The following CHLSN variants were observed in gnomAD, a reference collection of about 807,000 sequenced individuals.
CHLSN encodes cholesin.
chr7:1,015,336 C>T, the CHLSN span, among the ~76,000 whole-genome samples: 5 of 152,152 alleles, frequency 3.3e-5, no homozygotes, highest in African/African-American at 1.2e-4. Flanking sequence ...CCCCCAGGCA[C>T]CAGCAGGTCT....
the CHLSN span, chr7:1,045,291 T>C: frequency 5.9e-5 from 9 of 152,284 alleles, no homozygotes; most frequent in African/African-American, 2.2e-4. Flanking sequence ...TCTGCATGCA[T>C]GCTACGTGGT....
the CHLSN span, among the ~76,000 whole-genome samples, chr7:1,075,083 C>T: frequency 3.3e-5 from 5 of 152,166 alleles, no homozygotes; most frequent in Non-Finnish European, 5.9e-5. Context: ...CTGCAGCATC[C>T]CAGGAGCAGC....
chr7:995,557 C>T, the CHLSN span, among the ~76,000 whole-genome samples: 1 of 152,236 alleles, frequency 6.6e-6, no homozygotes, highest in Non-Finnish European at 1.5e-5. Flanking sequence ...TTGCACTTTG[C>T]GGGTCTCCCT....
chr7:1,094,549 A>G, the CHLSN span, among the ~76,000 whole-genome samples: 1 of 152,202 alleles, frequency 6.6e-6, no homozygotes, highest in African/African-American at 2.4e-5. Flanking sequence ...CACAATGAAG[A>G]CTGAACGCAG....
the CHLSN span, among the ~76,000 whole-genome samples, chr7:1,032,260 A>G: frequency 1.3e-5 from 2 of 152,166 alleles, no homozygotes; most frequent in African/African-American, 4.8e-5. Context: ...CTGAAATGGA[A>G]CCTGGGGCTG....
At chr7:1,069,101 G>A in the CHLSN span, among the ~76,000 whole-genome samples, 2 of 152,348 alleles carry the variant, frequency 1.3e-5, no homozygotes, top group South Asian at 2.1e-4. Context: ...GGGAGGCCGA[G>A]GCGGGCGGAT....
the CHLSN span, among the ~76,000 whole-genome samples, chr7:1,003,664 G>T: frequency 1.2e-5 from 1 of 85,888 alleles, no homozygotes. Context: ...AGTCCTGTGG[G>T]TGAGTAGAGT....
chr7:1,064,533 G>A, the CHLSN span, among the ~76,000 whole-genome samples: 2 of 152,166 alleles, frequency 1.3e-5, no homozygotes, highest in Admixed American at 6.5e-5. Context: ...GCAACACCCT[G>A]ACTCCTGAGA....
the CHLSN span, chr7:1,093,447 T>C: frequency 1.7e-5 from 8 of 464,614 alleles, no homozygotes; most frequent in African/African-American, 1.6e-4. Context: ...TCTTCCAGGA[T>C]GGCAGCAATG....
At chr7:999,338 T>G in the CHLSN span, among the ~76,000 whole-genome samples, 1 of 152,056 alleles carries the variant, frequency 6.6e-6, no homozygotes, top group Admixed American at 6.6e-5. Context: ...GGCGTGAGGG[T>G]TTCCAGGCTT....
At chr7:1,094,063 G>A in the CHLSN span, among the ~76,000 whole-genome samples, 4 of 152,250 alleles carry the variant, frequency 2.6e-5, no homozygotes, top group Non-Finnish European at 5.9e-5. Context: ...GAATGTAGGA[G>A]GCAGGGCTCA....
chr7:1,030,931 C>T, the CHLSN span, among the ~76,000 whole-genome samples: 5 of 152,228 alleles, frequency 3.3e-5, no homozygotes, highest in South Asian at 2.1e-4. Context: ...CCTCCACAAA[C>T]GCACCAGTCC....
the CHLSN span, chr7:1,127,129 C>T: frequency 3.4e-3 from 3,771 of 1,112,412 alleles, 90 homozygotes; most frequent in African/African-American, 0.053. Context: ...CCAAGCCCCA[C>T]CACGCCTCCG....
At chr7:1,105,935 G>A in the CHLSN span, among the ~76,000 whole-genome samples, 1 of 152,184 alleles carries the variant, frequency 6.6e-6, no homozygotes, top group Non-Finnish European at 1.5e-5. Flanking sequence ...GAGTTCGGCC[G>A]TGTCAGAAAG....
chr7:1,007,179 A>T, the CHLSN span, among the ~76,000 whole-genome samples: 3 of 152,176 alleles, frequency 2.0e-5, no homozygotes, highest in African/African-American at 7.2e-5. Context: ...TCACCAGAAC[A>T]ATCCGGGGTC....
At chr7:1,106,539 T>C in the CHLSN span, among the ~76,000 whole-genome samples, 6 of 152,062 alleles carry the variant, frequency 3.9e-5, no homozygotes, top group South Asian at 2.1e-4. Flanking sequence ...GCTGGCAGCA[T>C]AGACGGATTG....
At chr7:1,060,711 T>C in the CHLSN span, among the ~76,000 whole-genome samples, 1 of 152,344 alleles carries the variant, frequency 6.6e-6, no homozygotes, top group Admixed American at 6.5e-5. Flanking sequence ...AGAACAGTTT[T>C]CTGAGCTGTT....
chr7:993,502 G>A, the CHLSN span, among the ~76,000 whole-genome samples: 1 of 152,188 alleles, frequency 6.6e-6, no homozygotes, highest in South Asian at 2.1e-4. Context: ...ACTGGGCACC[G>A]AGTCATCCAG....
At chr7:1,053,563 C>G in the CHLSN span, among the ~76,000 whole-genome samples, 1 of 152,232 alleles carries the variant, frequency 6.6e-6, no homozygotes, top group East Asian at 1.9e-4. Context: ...CATGGTGGCT[C>G]ACGTCTGTAA....
Sources: allele counts gnomAD v4.1 joint callset (sites outside exome capture counted in the v4.1 genomes callset), GRCh38; gene constraint gnomAD v4.1.1; transcripts MANE v1.5; gene names NCBI Gene and HGNC (gene_info 2026-07-23, HGNC 2026-07-21).